Variants in CDH18 observed in about 807,000 individuals in gnomAD.
CDH18 encodes the protein cadherin 18.
In CDH18, 31 loss-of-function variants were observed where a neutral mutation model predicts 67.9. That is an observed-to-expected ratio of 0.46 (90% CI 0.34 to 0.62). CDH18 has a LOEUF of 0.62. Among genes scored for constraint, CDH18 ranks in the 20% least tolerant of loss-of-function variants. The pLI, the probability that CDH18 is intolerant of heterozygous loss-of-function variation, is 0.01. For synonymous variants in CDH18, 362 were observed against 347.2 expected (o/e 1.04, Z -0.48); for missense variants, 890 against 975.5 (o/e 0.91, Z 1.17).
chr5:19,818,295 C>T (rs1053754130), intron 3 of CDH18, among the ~76,000 whole-genome samples: 1 of 152,090 alleles, frequency 6.6e-6, no homozygotes, highest in Non-Finnish European at 1.5e-5. Flanking sequence ...ATTATTATCT[C>T]ATGAAGACAA....
intron 2 of CDH18, among the ~76,000 whole-genome samples, chr5:20,151,853 T>C (rs891377882): frequency 6.6e-6 from 1 of 151,912 alleles, no homozygotes; most frequent in Admixed American, 6.6e-5. Flanking sequence ...ACTGGAAATA[T>C]AATGTATCAC....
intron 2 of CDH18, among the ~76,000 whole-genome samples, chr5:19,904,476 C>T (rs1314799435): frequency 6.6e-6 from 1 of 151,428 alleles, no homozygotes; most frequent in Non-Finnish European, 1.5e-5. Context: ...TGGAGAGACA[C>T]TTGAGGGTAT....
At chr5:19,796,342 G>A (rs1190609304) in intron 3 of CDH18, among the ~76,000 whole-genome samples, 3 of 152,058 alleles carry the variant, frequency 2.0e-5, no homozygotes, top group African/African-American at 7.2e-5. Flanking sequence ...GTAAAGTGAT[G>A]CATTACCTGA....
rs1491434523 is a variant in CDH18, at chr5:20,501,918, A to ACACACACG, written c.-580+73543_-580+73544insCGTGTGTG. 8.1e-5 allele frequency among the ~76,000 whole-genome samples: 12 copies of ACACACACG among 148,956 alleles called. 1 individual carries two copies. The highest frequency in any genetic ancestry group is 2.5e-4 in the African/African-American group (10 of 40,404). ...TACACACACACACACACACACACACATTTTATTATTTCAAGAAAACAGCAA... is the reference window on the plus strand; with the variant it reads ...TACACACACACACACACACACACACACACACACGTTTTATTATTTCAAGAAAACAGCAA... On this transcript the variant is annotated intron_variant, in intron 1 of 14. Coordinates refer to the CDH18 transcript ENST00000507958.
chr5:20,208,352 C>G (rs1400674066), intron 2 of CDH18, among the ~76,000 whole-genome samples: 1 of 152,106 alleles, frequency 6.6e-6, no homozygotes, highest in East Asian at 1.9e-4. Context: ...CAGGTCCATC[C>G]CTCACATGTT....
intron 2 of CDH18, among the ~76,000 whole-genome samples, chr5:19,974,108 T>A (rs900004555): frequency 6.6e-6 from 1 of 152,100 alleles, no homozygotes; most frequent in African/African-American, 2.4e-5. Context: ...GGTTAGAACA[T>A]ATAGGATCTG....
intron 2 of CDH18, among the ~76,000 whole-genome samples, chr5:20,021,203 T>C (rs532371668): frequency 1.3e-5 from 2 of 152,118 alleles, no homozygotes; most frequent in Non-Finnish European, 2.9e-5. Context: ...CCTCATTAAA[T>C]CTTGCAAGTA....
intron 1 of CDH18, among the ~76,000 whole-genome samples, chr5:20,447,377 A>AT (rs746657506): frequency 2.0e-4 from 30 of 151,580 alleles, no homozygotes; most frequent in African/African-American, 5.6e-4. Context: ...GAAAATCCTG[A>AT]TAAAAAAAAA....
chr5:19,858,781 G>A (rs186845063), intron 2 of CDH18, among the ~76,000 whole-genome samples: 139 of 151,980 alleles, frequency 9.1e-4, no homozygotes, highest in Non-Finnish European at 1.6e-3. Flanking sequence ...AAATATTAAA[G>A]CAAAAGATTA....
intron 1 of CDH18, among the ~76,000 whole-genome samples, chr5:20,375,606 C>T (rs1011482720): frequency 2.6e-5 from 4 of 152,242 alleles, no homozygotes; most frequent in African/African-American, 7.2e-5. Flanking sequence ...TTAGAGACTG[C>T]GCCTTTGCAT....
intron 5 of CDH18, among the ~76,000 whole-genome samples, chr5:19,696,778 A>G (rs1035609148): frequency 9.9e-5 from 15 of 152,132 alleles, no homozygotes; most frequent in African/African-American, 3.6e-4. Flanking sequence ...TGTTCTCCAT[A>G]GGACTGAATG....
chr5:19,747,314 T>A (rs1218945333), intron 3 of CDH18, 78 bp from the exon 4 acceptor site: 10 of 1,183,650 alleles, frequency 8.4e-6, no homozygotes, highest in Non-Finnish European at 1.2e-5. Flanking sequence ...ACTCCCTATC[T>A]ATAATTACTT....
intron 1 of CDH18, among the ~76,000 whole-genome samples, chr5:20,383,016 G>A (rs1446291082): frequency 6.6e-6 from 1 of 151,926 alleles, no homozygotes. Flanking sequence ...TACCCAAATT[G>A]TATTTGCCTT....
intron 2 of CDH18, among the ~76,000 whole-genome samples, chr5:19,905,267 T>C (rs1015950790): frequency 1.3e-5 from 2 of 152,152 alleles, no homozygotes; most frequent in Admixed American, 6.6e-5. Context: ...AGGTAGAATC[T>C]TGCAGGTTGG....
chr5:19,497,542 A>G (rs1742546874), intron 11 of CDH18, among the ~76,000 whole-genome samples: 2 of 152,226 alleles, frequency 1.3e-5, no homozygotes, highest in African/African-American at 2.4e-5. Context: ...CAAATTCAAG[A>G]GGGTTAGAAC....
chr5:19,586,804 A>G (rs1414263875), intron 7 of CDH18, among the ~76,000 whole-genome samples: 3 of 152,164 alleles, frequency 2.0e-5, no homozygotes, highest in African/African-American at 7.2e-5. Context: ...AGAACGGTTG[A>G]ACTAATTTAC....
chr5:19,616,595 C>T (rs1173569698), intron 5 of CDH18, among the ~76,000 whole-genome samples: 6 of 151,972 alleles, frequency 3.9e-5, no homozygotes, highest in African/African-American at 1.4e-4. Flanking sequence ...TTACAATTAT[C>T]CTGAAGTTTC....
At chr5:20,210,065 T>A (rs1031105322) in intron 2 of CDH18, among the ~76,000 whole-genome samples, 2 of 151,660 alleles carry the variant, frequency 1.3e-5, no homozygotes, top group African/African-American at 4.8e-5. Context: ...TATTATTTTT[T>A]AACTTTTAAA....
At chr5:20,380,809 C>T (rs1051074669) in intron 1 of CDH18, among the ~76,000 whole-genome samples, 1 of 152,066 alleles carries the variant, frequency 6.6e-6, no homozygotes, top group Non-Finnish European at 1.5e-5. Flanking sequence ...CAAAAAGGAA[C>T]AGGATTATAC....
Sources: gnomAD v4.1 joint callset for allele counts (sites outside exome capture counted in the v4.1 genomes callset) on GRCh38, gnomAD v4.1.1 for gene constraint, MANE v1.5 for transcripts, NCBI Gene and HGNC (gene_info 2026-07-23, HGNC 2026-07-21) for gene names.